Variants in MGST1 observed in about 807,000 individuals in gnomAD.
MGST1 encodes glutathione S-transferase 12.
A neutral mutation model predicts 8.9 loss-of-function variants in MGST1; 5 were observed. The ratio of observed to expected loss-of-function variants is 0.56; its 90% CI spans 0.29 to 1.19. The LOEUF (loss-of-function observed/expected upper bound fraction) is 1.19, where lower values mean the gene tolerates loss of function less well. Ranked by LOEUF, MGST1 falls within the 50% of genes most tolerant of loss-of-function variation. The probability of loss-of-function intolerance (pLI) is 0.08; values close to 1 mark genes in which losing one functional copy is unlikely to be tolerated. For synonymous variants in MGST1, 54 were observed against 67.8 expected, an observed-to-expected ratio of 0.80 and a Z score of 1.00; for missense variants, 182 against 187.4, an observed-to-expected ratio of 0.97 and a Z score of 0.17.
intron 4 of MGST1, among the ~76,000 whole-genome samples, chr12:16,539,799 A>G (rs1941782010): frequency 6.6e-6 from 1 of 152,240 alleles, no homozygotes; most frequent in Non-Finnish European, 1.5e-5. Context: ...GGGCATGACA[A>G]CATACCAACT....
chr12:16,498,763 T>C (rs889020863), intron 4 of MGST1, among the ~76,000 whole-genome samples: 3 of 152,154 alleles, frequency 2.0e-5, no homozygotes, highest in Admixed American at 6.6e-5. Context: ...GTAGATTAAG[T>C]AGGGTAGCTC....
chr12:16,436,730 A>G (rs1167817482), intron 1 of MGST1, among the ~76,000 whole-genome samples: 3 of 151,992 alleles, frequency 2.0e-5, no homozygotes, highest in African/African-American at 7.2e-5. Context: ...TCATGATGCC[A>G]ATAGTGTACA....
At chr12:16,558,656 T>C (rs1942279564) in intron 4 of MGST1, among the ~76,000 whole-genome samples, 1 of 152,126 alleles carries the variant, frequency 6.6e-6, no homozygotes, top group Non-Finnish European at 1.5e-5. Context: ...AGTCAAGACA[T>C]TGTAAGATAA....
chr12:16,487,630 A>G lies in MGST1; in HGVS notation n.483-101898A>G, dbSNP rs1433607983. ...GAACACTACCAGAGAAATAATATCTATATCTTCTAGATCAAGTGATAGAGA... is the reference window on the plus strand; with the variant it reads ...GAACACTACCAGAGAAATAATATCTGTATCTTCTAGATCAAGTGATAGAGA... On this transcript the variant is annotated intron_variant and non_coding_transcript_variant, in intron 4 of 4. Coordinates refer to the MGST1 transcript ENST00000538857. 2.3e-4 allele frequency among the ~76,000 whole-genome samples: 35 copies of G among 152,158 alleles called. 1 individual carries two copies. The highest frequency in any genetic ancestry group is 1.8e-3 in the Admixed American group (27 of 15,282).
intron 1 of MGST1, among the ~76,000 whole-genome samples, chr12:16,429,097 C>G (rs914896487): frequency 2.6e-5 from 4 of 151,984 alleles, no homozygotes; most frequent in Non-Finnish European, 5.9e-5. Context: ...TTTTGAACAT[C>G]GTTAAATTCC....
At chr12:16,411,315 C>A (rs1305407519) in intron 1 of MGST1, among the ~76,000 whole-genome samples, 1 of 151,952 alleles carries the variant, frequency 6.6e-6, no homozygotes, top group Admixed American at 6.6e-5. Context: ...AACATATTTA[C>A]TAAATAGGTA....
chr12:16,413,342 T>C lies in MGST1; in HGVS notation n.779-24046T>C, dbSNP rs1940758494. On this transcript the variant is annotated intron_variant and non_coding_transcript_variant, in intron 1 of 1. Coordinates refer to the MGST1 transcript ENST00000359720. The surrounding 1 kb of genome is among the most constrained non-coding windows in gnomAD (Gnocchi z 4.0). ...AGTCTTACAGACACAACTGCCTGCA[T>C]GTCCATGAATCCTGCAGCAAAAAAG... 6.6e-6 allele frequency among the ~76,000 whole-genome samples: 1 copy of C among 152,198 alleles called. No individual in the cohort carries two copies. The highest frequency in any genetic ancestry group is 2.4e-5 in the African/African-American group (1 of 41,440).
rs1379911979 is a variant in MGST1, at chr12:16,497,700, A to G, written n.483-91828A>G. Among the ~76,000 whole-genome samples, 2 of 152,042 alleles carry G rather than the reference A, an allele frequency of 1.3e-5. No individual in the cohort carries two copies. Among genetic ancestry groups the G allele is most frequent in the Non-Finnish European group, 2.9e-5 (2 of 67,998 alleles). Reference sequence around the variant, plus strand: ...TTTAGCCAATTTTCTCTGCTTCCTTACCTATAACCATTTTTCACCTGTTAA... The same window carrying G: ...TTTAGCCAATTTTCTCTGCTTCCTTGCCTATAACCATTTTTCACCTGTTAA... On this transcript the variant is annotated intron_variant and non_coding_transcript_variant, in intron 4 of 4. Transcript: ENST00000538857. This position sits in a 1 kb window ranked among gnomAD's most constrained non-coding sequence, Gnocchi z 4.4.
At chr12:16,437,035 G>A (rs1200266912) in intron 1 of MGST1, among the ~76,000 whole-genome samples, 1 of 152,010 alleles carries the variant, frequency 6.6e-6, no homozygotes, top group African/African-American at 2.4e-5. Flanking sequence ...ACCTTGGAAT[G>A]AAGAGCAAGG....
chr12:16,397,468 C>T (rs1046337681), intron 1 of MGST1, among the ~76,000 whole-genome samples: 3 of 152,116 alleles, frequency 2.0e-5, no homozygotes, highest in Non-Finnish European at 4.4e-5. Flanking sequence ...GCTAAAGGAA[C>T]AGTCAGCAGA....
intron 1 of MGST1, among the ~76,000 whole-genome samples, chr12:16,398,452 G>A (rs2137060099): frequency 6.6e-6 from 1 of 152,114 alleles, no homozygotes; most frequent in South Asian, 2.1e-4. Context: ...TAGGCCCAAG[G>A]CATGACTTGT....
chr12:16,404,145 A>C (rs1362651429), intron 1 of MGST1, among the ~76,000 whole-genome samples: 2 of 152,226 alleles, frequency 1.3e-5, no homozygotes, highest in African/African-American at 4.8e-5. Flanking sequence ...AATAATACAT[A>C]CAAGTATATC....
intron 1 of MGST1, among the ~76,000 whole-genome samples, chr12:16,388,272 A>G (rs1297541231): frequency 6.6e-6 from 1 of 152,050 alleles, no homozygotes; most frequent in Admixed American, 6.5e-5. Context: ...GAAATACAGT[A>G]GAAAACATTA....
At chr12:16,572,687 ATAATT>A (rs889676237) in intron 4 of MGST1, among the ~76,000 whole-genome samples, 1 of 147,842 alleles carries the variant, frequency 6.8e-6, no homozygotes, top group African/African-American at 2.4e-5. Context: ...GATTATATAT[ATAATT>A]TAAATATATT....
downstream of MGST1, among the ~76,000 whole-genome samples, chr12:16,378,971 T>G (rs1454782030): frequency 6.6e-6 from 1 of 152,158 alleles, no homozygotes; most frequent in South Asian, 2.1e-4. Context: ...TGTATAAGAA[T>G]GCTTGTGATT....
chr12:16,572,816 ATAGG>A (rs1479913569), intron 4 of MGST1, among the ~76,000 whole-genome samples: 1 of 151,470 alleles, frequency 6.6e-6, no homozygotes, highest in Non-Finnish European at 1.5e-5. Flanking sequence ...TTCACAAAAT[ATAGG>A]TTAAAGTAAT....
chr12:16,411,191 T>C (rs1354357125), intron 1 of MGST1, among the ~76,000 whole-genome samples: 2 of 152,214 alleles, frequency 1.3e-5, no homozygotes, highest in Non-Finnish European at 2.9e-5. Context: ...CCTGTCTTCA[T>C]GTAGGCTCTA....
chr12:16,550,519 G>A (rs550522694), intron 4 of MGST1: 9 of 152,306 alleles, frequency 5.9e-5, no homozygotes, highest in Non-Finnish European at 1.3e-4. Flanking sequence ...TTTCACGTTG[G>A]TATAAAATGA....
upstream of MGST1, among the ~76,000 whole-genome samples, chr12:16,382,460 G>T (rs940794377): frequency 6.6e-6 from 1 of 152,136 alleles, no homozygotes; most frequent in Non-Finnish European, 1.5e-5. Context: ...GTGTGTATTG[G>T]TGAACCGCAA....
Sources: allele counts gnomAD v4.1 joint callset (sites outside exome capture counted in the v4.1 genomes callset), GRCh38; gene constraint gnomAD v4.1.1; non-coding constraint Gnocchi (gnomAD v3.1); transcripts MANE v1.5; gene names NCBI Gene and HGNC (gene_info 2026-07-23, HGNC 2026-07-21).